Variants in MTR observed in about 807,000 individuals in gnomAD.
MTR encodes the protein 5-methyltetrahydrofolate-homocysteine methyltransferase.
A neutral mutation model predicts 154.8 loss-of-function variants in MTR; 84 were observed. The observed-to-expected ratio is 0.54, with a 90% CI of 0.45 to 0.65. The LOEUF is 0.65. Ranked by LOEUF, MTR falls within the 30% of genes least tolerant of loss-of-function variation. MTR has a pLI of 0.00. For synonymous variants in MTR, 554 were observed against 553.9 expected (o/e 1.00, Z 0.00); for missense variants, 1,275 against 1,570.2 (o/e 0.81, Z 3.18).
intron 15 of MTR, among the ~76,000 whole-genome samples, chr1:236,841,647 C>CT (rs376000408): frequency 0.57 from 82,858 of 145,842 alleles, 23,608 homozygotes; most frequent in East Asian, 0.77. Context: ...CTTGGTTAAT[C>CT]TTTTTTTTTT....
chr1:236,870,404 CTCTTCTCTG>C (rs1331287897), intron 22 of MTR, among the ~76,000 whole-genome samples: 1 of 152,196 alleles, frequency 6.6e-6, no homozygotes, highest in Non-Finnish European at 1.5e-5. Context: ...GCCCTTGGAC[CTCTTCTCTG>C]TCTTCACTGT....
chr1:236,832,825 A>G (rs914015183), intron 13 of MTR, among the ~76,000 whole-genome samples: 2 of 152,154 alleles, frequency 1.3e-5, no homozygotes, highest in Non-Finnish European at 2.9e-5. Flanking sequence ...ATTCCCCTTC[A>G]TGGACCTGTT....
chr1:236,857,854 G>A (rs1292414657), intron 18 of MTR, among the ~76,000 whole-genome samples: 3 of 152,232 alleles, frequency 2.0e-5, no homozygotes, highest in Admixed American at 1.3e-4. Context: ...GATAGGTCAG[G>A]TGAGACTTGA....
At position 236,852,654 on chromosome 1, in the gene MTR, CTT is replaced by C; in HGVS notation, c.1812+18_1812+19del. On this transcript the variant is annotated intron_variant, in intron 17 of 32. Coordinates refer to ENST00000366577, the MANE Select transcript of MTR (RefSeq NM_000254.3). ...GCAATCAAGGTATGGTAGAAGAACT[CTT>C]AGCCCTGCGGAAACCAGTTTTTAGT... 1 of 1,606,482 alleles carries C rather than the reference CTT, an allele frequency of 6.2e-7. No homozygotes were observed.
At chr1:236,822,422 A>G (rs1662022292) in intron 8 of MTR, among the ~76,000 whole-genome samples, 1 of 147,224 alleles carries the variant, frequency 6.8e-6, no homozygotes, top group Non-Finnish European at 1.5e-5. Flanking sequence ...TGATCCTTCT[A>G]CCTCAGCCTC....
chr1:236,841,625 A>G (rs544609519), intron 15 of MTR, among the ~76,000 whole-genome samples: 7 of 147,706 alleles, frequency 4.7e-5, no homozygotes, highest in Non-Finnish European at 1.0e-4. Context: ...TAGAACTCAT[A>G]ATTTCCAAAT....
chr1:236,813,309 A>G (rs1162257940), intron 6 of MTR, among the ~76,000 whole-genome samples: 2 of 152,170 alleles, frequency 1.3e-5, no homozygotes, highest in African/African-American at 2.4e-5. Flanking sequence ...CATACATGCA[A>G]AGGCACATAA....
intron 15 of MTR, among the ~76,000 whole-genome samples, chr1:236,839,105 A>G (rs1383025428): frequency 1.3e-5 from 2 of 152,244 alleles, no homozygotes; most frequent in Non-Finnish European, 2.9e-5. Context: ...TATGTGGTCA[A>G]TGACTGTATA....
chr1:236,807,438 T>C (rs1462624711), intron 3 of MTR, among the ~76,000 whole-genome samples: 1 of 152,192 alleles, frequency 6.6e-6, no homozygotes, highest in South Asian at 2.1e-4. Flanking sequence ...CCTCCCAAAG[T>C]GCTGGGATTA....
chr1:236,862,338 G>A lies in MTR; in HGVS notation c.2299G>A (p.Glu767Lys), dbSNP rs1051979463. Residue 767 changes from glutamate (E) to lysine (K), a missense_variant, in exon 21 of 33, where the codon GAA (glutamate) becomes AAA (lysine). Glu to Lys is a moderately conservative substitution (Grantham distance 56). Coordinates refer to ENST00000366577, the MANE Select transcript of MTR (RefSeq NM_000254.3). ...CAGAGTGCTTAACGGCACAGTAGAA[G>A]AAGAGGCAAGTCATTTTGTTCAGGC... Reference protein sequence around the residue: ...ETRVLNGTVEEEDPYQGTIVL... With the variant: ...ETRVLNGTVEKEDPYQGTIVL... 6.2e-7 allele frequency: 1 copy of A among 1,612,386 alleles called. No individual in the cohort carries two copies. Among genetic ancestry groups the A allele is most frequent in the African/African-American group, 1.3e-5 (1 of 74,872 alleles).
intron 29 of MTR, 131 bp from the exon 30 acceptor site, chr1:236,894,226 A>C (rs1666491829): frequency 2.4e-6 from 2 of 817,764 alleles, no homozygotes; most frequent in Non-Finnish European, 4.1e-6. Context: ...AACAGTGCAC[A>C]ATACAGGCTG....
chr1:236,812,926 G>C, intron 6 of MTR, 82 bp downstream of exon 6: 1 of 1,064,682 alleles, frequency 9.4e-7, no homozygotes, highest in Admixed American at 1.7e-5. Context: ...GATAATATTA[G>C]CCATTATCAA....
chr1:236,877,055 G>C (rs1427448445), intron 24 of MTR, among the ~76,000 whole-genome samples: 1 of 152,186 alleles, frequency 6.6e-6, no homozygotes, highest in Non-Finnish European at 1.5e-5. Context: ...ATAAGAGCTA[G>C]TAGGTAGCAC....
At chr1:236,850,290 A>G (rs1663822299) in intron 15 of MTR, 54 bp from the exon 16 acceptor site, 1 of 1,258,468 alleles carries the variant, frequency 7.9e-7, no homozygotes, top group African/African-American at 1.5e-5. Context: ...TAATATTAAT[A>G]TTTTAATAGA....
At chr1:236,871,551 TG>T in intron 22 of MTR, among the ~76,000 whole-genome samples, 1 of 152,366 alleles carries the variant, frequency 6.6e-6, no homozygotes, top group South Asian at 2.1e-4. Context: ...TATGCCTTTT[TG>T]TCTTGATTTA....
chr1:236,897,496 G>A, intron 32 of MTR, 62 bp from the exon 33 acceptor site: 1 of 1,487,914 alleles, frequency 6.7e-7, no homozygotes, highest in Non-Finnish European at 9.4e-7. Context: ...AAATCTTGTG[G>A]AAACTTCTAT....
chr1:236,895,397 C>T lies in MTR; in HGVS notation c.3445C>T (p.Leu1149=). 6.2e-7 allele frequency: 1 copy of T among 1,605,510 alleles called. No individual in the cohort carries two copies. The highest frequency in any genetic ancestry group is 8.5e-7 in the Non-Finnish European group (1 of 1,175,720). ...GCTCCATGAAAGAGTTCGCCGAGAACTGTGGGCCTACTGTGGCAGTGAGCA... is the reference window on the plus strand; with the variant it reads ...GCTCCATGAAAGAGTTCGCCGAGAATTGTGGGCCTACTGTGGCAGTGAGCA... ...EELHERVRRE[L]WAYCGSEQLD... The change falls in exon 31 of 33, where the codon CTG becomes TTG. Residue 1149 remains leucine (L), a synonymous_variant. Transcript: ENST00000366577.
rs1211287424 is a variant in MTR, at chr1:236,898,703, G to C, written c.*1059G>C. 6.6e-6 allele frequency: 1 copy of C among 152,250 alleles called. No homozygotes were observed. Among genetic ancestry groups the C allele is most frequent in the African/African-American group, 2.4e-5 (1 of 41,438 alleles). 9.4% of individuals were successfully genotyped at this position (152,250 alleles called of 1,614,324 possible). A position where few individuals can be genotyped will look rare whatever the true frequency, so the allele number is the denominator to read the frequency against. On this transcript the variant is annotated 3_prime_UTR_variant, in exon 33 of 33. Transcript: ENST00000366577. ...GCTGGGATTACAGGCGTGAGCCACCGAGCCTGGCCGGTTAACATCTTTTAA... is the reference window on the plus strand; with the variant it reads ...GCTGGGATTACAGGCGTGAGCCACCCAGCCTGGCCGGTTAACATCTTTTAA...
intron 31 of MTR, among the ~76,000 whole-genome samples, chr1:236,896,650 A>C (rs192777388): frequency 3.3e-4 from 50 of 152,230 alleles, no homozygotes; most frequent in African/African-American, 1.2e-3. Flanking sequence ...GAGGCTGTTC[A>C]GTTGTTGTTC....
Sources: gnomAD v4.1 joint callset for allele counts (sites outside exome capture counted in the v4.1 genomes callset) on GRCh38, gnomAD v4.1.1 for gene constraint, MANE v1.5 for transcripts, NCBI Gene and HGNC (gene_info 2026-07-23, HGNC 2026-07-21) for gene names.